The following ASIC2 variants were observed in gnomAD, a reference collection of about 807,000 sequenced individuals.
ASIC2 encodes acid-sensing ion channel 2.
ASIC2 carries 25 observed loss-of-function variants against 57.3 expected under a neutral mutation model. The observed-to-expected ratio is 0.44, with a 90% CI of 0.32 to 0.61. ASIC2 has a LOEUF of 0.61. ASIC2 is among the 20% of genes least tolerant of loss of function. The pLI is 0.06. For missense variants in ASIC2, 641 were observed against 738.1 expected (o/e 0.87, Z 1.52); for synonymous variants, 319 against 307.5 (o/e 1.04, Z -0.39).
chr17:33,776,667 G>T (rs1057157437), intron 1 of ASIC2, among the ~76,000 whole-genome samples: 1 of 152,110 alleles, frequency 6.6e-6, no homozygotes, highest in African/African-American at 2.4e-5. Flanking sequence ...ACACACAAAG[G>T]CCGGGGGGTC....
chr17:33,991,484 A>C (rs1905998295), intron 1 of ASIC2, among the ~76,000 whole-genome samples: 1 of 152,086 alleles, frequency 6.6e-6, no homozygotes, highest in African/African-American at 2.4e-5. Context: ...ATACTCCTAA[A>C]TTGGCCCCAA....
intron 1 of ASIC2, among the ~76,000 whole-genome samples, chr17:33,124,084 G>A (rs1235002090): frequency 2.0e-5 from 3 of 152,172 alleles, no homozygotes; most frequent in Non-Finnish European, 4.4e-5. Flanking sequence ...GGTCAAATAG[G>A]TAACGACCCA....
intron 1 of ASIC2, among the ~76,000 whole-genome samples, chr17:33,470,399 C>A (rs1212583888): frequency 6.6e-6 from 1 of 152,182 alleles, no homozygotes; most frequent in African/African-American, 2.4e-5. Flanking sequence ...CCAGGTGAGT[C>A]TGATGAGCGT....
intron 1 of ASIC2, among the ~76,000 whole-genome samples, chr17:33,689,326 C>T (rs558416651): frequency 1.1e-4 from 16 of 152,308 alleles, no homozygotes; most frequent in African/African-American, 3.9e-4. Flanking sequence ...CCACCTCGGC[C>T]TCCCAAGTAC....
At position 33,772,999 on chromosome 17, in the gene ASIC2, A is replaced by C. The variant is rs79558268; in HGVS notation, c.555+382979T>G. 1.1e-3 allele frequency among the ~76,000 whole-genome samples: 169 copies of C among 152,302 alleles called. 1 individual carries two copies. The highest frequency in any genetic ancestry group is 1.9e-3 in the Non-Finnish European group (129 of 68,024). ...ACACAGCAAGTGCTTAATAAGTGGA[A>C]ACGACTGTTATTTGTGCCTACTGCA... is the stretch of plus-strand genomic sequence containing the variant. On this transcript the variant is annotated intron_variant, in intron 1 of 9. Transcript: ENST00000359872.
chr17:33,556,412 A>G (rs1477612920), intron 1 of ASIC2, among the ~76,000 whole-genome samples: 1 of 152,198 alleles, frequency 6.6e-6, no homozygotes. Context: ...ACGTGGGAAA[A>G]TCTGAGAGCT....
chr17:33,969,317 G>A (rs976297894), intron 1 of ASIC2, among the ~76,000 whole-genome samples: 2 of 152,218 alleles, frequency 1.3e-5, no homozygotes, highest in South Asian at 2.1e-4. Flanking sequence ...CTCAGTAAAT[G>A]TTGTGGGCTG....
intron 1 of ASIC2, among the ~76,000 whole-genome samples, chr17:33,474,052 G>A (rs1041945812): frequency 2.6e-5 from 4 of 152,182 alleles, no homozygotes; most frequent in African/African-American, 9.6e-5. Context: ...AGGACTTTGA[G>A]TCAGACAGAG....
At chr17:33,033,977 C>T (rs150292582) in intron 3 of ASIC2, among the ~76,000 whole-genome samples, 104 of 152,158 alleles carry the variant, frequency 6.8e-4, no homozygotes, top group Admixed American at 1.2e-3. Context: ...CTGCTGATAG[C>T]GGAGACGATG....
chr17:33,050,275 C>T (rs528005812), intron 3 of ASIC2, among the ~76,000 whole-genome samples: 2 of 152,256 alleles, frequency 1.3e-5, no homozygotes, highest in South Asian at 4.2e-4. Context: ...ATGCTGGAGA[C>T]GTAGTAACAG....
chr17:33,377,493 C>T (rs1909323994), intron 1 of ASIC2, among the ~76,000 whole-genome samples: 1 of 152,216 alleles, frequency 6.6e-6, no homozygotes, highest in Non-Finnish European at 1.5e-5. Context: ...TCTTTTATGT[C>T]CAATTTCACA....
intron 1 of ASIC2, among the ~76,000 whole-genome samples, chr17:33,153,571 C>T (rs577005311): frequency 6.6e-5 from 10 of 152,230 alleles, no homozygotes; most frequent in South Asian, 2.1e-4. Context: ...GGTGGGCTTT[C>T]GTCTACTATT....
At chr17:33,084,760 G>A (rs189484112) in intron 3 of ASIC2, among the ~76,000 whole-genome samples, 3 of 152,146 alleles carry the variant, frequency 2.0e-5, no homozygotes, top group East Asian at 1.9e-4. Context: ...ATATTATCCC[G>A]CTGCCTGTCT....
intron 1 of ASIC2, among the ~76,000 whole-genome samples, chr17:33,132,435 C>G (rs2092350517): frequency 2.0e-5 from 3 of 152,142 alleles, no homozygotes; most frequent in Non-Finnish European, 4.4e-5. Context: ...AACACACATT[C>G]TAACATTCAA....
At chr17:33,410,633 C>G (rs755390328) in intron 1 of ASIC2, among the ~76,000 whole-genome samples, 2 of 152,102 alleles carry the variant, frequency 1.3e-5, no homozygotes, top group Admixed American at 6.5e-5. Flanking sequence ...ATGAGGCCCT[C>G]GTGCCCATTC....
chr17:34,107,634 T>C (rs573780980), intron 1 of ASIC2, among the ~76,000 whole-genome samples: 1 of 152,350 alleles, frequency 6.6e-6, no homozygotes, highest in African/African-American at 2.4e-5. Flanking sequence ...GTTTATCAAT[T>C]ATTTTCAATT....
At chr17:33,987,052 C>T (rs1279990833) in intron 1 of ASIC2, among the ~76,000 whole-genome samples, 1 of 152,148 alleles carries the variant, frequency 6.6e-6, no homozygotes, top group Non-Finnish European at 1.5e-5. Flanking sequence ...ATTTTACATG[C>T]ATTAAGGCTT....
At position 33,291,893 on chromosome 17, in the gene ASIC2, C is replaced by T. The variant is rs1191363593; in HGVS notation, c.223G>A (p.Gly75Arg). Residue 75 changes from glycine to arginine, a missense_variant, in exon 1 of 10, where the codon GGG (glycine) becomes AGG (arginine). By Grantham distance (125) the Gly-to-Arg change is moderately radical. This residue lies in a region of ASIC2 where 382 missense variants were observed against 398.0 expected (regional missense o/e 0.96). Coordinates refer to ENST00000225823, the MANE Select transcript of ASIC2 (RefSeq NM_183377.2). ...KLHGLRHMCAGRTAAGGSFQR... is the reference protein window; with the variant it reads ...KLHGLRHMCARRTAAGGSFQR... Reference sequence around the variant, plus strand: ...AAGGAGCCCCCAGCCGCCGTGCGCCCGGCACACATGTGCCGCAGCCCGTGC... The same window carrying T: ...AAGGAGCCCCCAGCCGCCGTGCGCCTGGCACACATGTGCCGCAGCCCGTGC... The T allele has an allele frequency of 4.4e-6, 7 of 1,602,760 alleles. No individual in the cohort carries two copies. The highest frequency in any genetic ancestry group is 5.9e-6 in the Non-Finnish European group (7 of 1,178,294).
chr17:33,518,851 C>T (rs376503681), intron 1 of ASIC2, among the ~76,000 whole-genome samples: 1 of 151,386 alleles, frequency 6.6e-6, no homozygotes, highest in Non-Finnish European at 1.5e-5. Context: ...GATGGAGTCT[C>T]GCTCTGTCAC....
Sources: allele counts gnomAD v4.1 joint callset (sites outside exome capture counted in the v4.1 genomes callset), GRCh38; gene constraint gnomAD v4.1.1; regional missense constraint gnomAD v4.1.1; transcripts MANE v1.5; gene names NCBI Gene and HGNC (gene_info 2026-07-23, HGNC 2026-07-21).